RETREG1: variants seen among roughly 807,000 people sequenced by gnomAD.
RETREG1 encodes family with sequence similarity 134 member B.
RETREG1 carries 44 observed loss-of-function variants against 54.8 expected under a neutral mutation model. The ratio of observed to expected loss-of-function variants is 0.80; its 90% CI spans 0.63 to 1.03. RETREG1 has a LOEUF of 1.03. Among genes scored for constraint, RETREG1 ranks in the 50% least tolerant of loss-of-function variants. The probability of loss-of-function intolerance (pLI) is 0.00; values close to 1 mark genes in which losing one functional copy is unlikely to be tolerated. For missense variants in RETREG1, 554 were observed against 605.1 expected (o/e 0.92, Z 0.89); for synonymous variants, 217 against 238.5 (o/e 0.91, Z 0.83).
At chr5:16,528,494 C>T (rs2028843) in intron 3 of RETREG1, among the ~76,000 whole-genome samples, 36,427 of 152,010 alleles carry the variant, frequency 0.24, 4,603 homozygotes, top group South Asian at 0.39. Context: ...GGAGTCAGCT[C>T]TGGATGACAT....
chr5:16,587,944 C>G (rs972916825), intron 1 of RETREG1, among the ~76,000 whole-genome samples: 1 of 152,172 alleles, frequency 6.6e-6, no homozygotes, highest in Non-Finnish European at 1.5e-5. Context: ...ACCCTAATAA[C>G]CCACTGTTCA....
At chr5:16,490,502 C>A (rs1739202110) in intron 3 of RETREG1, among the ~76,000 whole-genome samples, 2 of 152,096 alleles carry the variant, frequency 1.3e-5, no homozygotes, top group Non-Finnish European at 2.9e-5. Flanking sequence ...GTTACAGGCA[C>A]CATAAAAAAG....
At chr5:16,531,777 A>T (rs764229803) in intron 3 of RETREG1, among the ~76,000 whole-genome samples, 11 of 152,204 alleles carry the variant, frequency 7.2e-5, no homozygotes, top group Admixed American at 1.3e-4. Flanking sequence ...TTGCTCACCA[A>T]GCATCAAACA....
intron 8 of RETREG1, among the ~76,000 whole-genome samples, chr5:16,475,601 G>A (rs1367986664): frequency 2.0e-5 from 3 of 152,166 alleles, no homozygotes; most frequent in African/African-American, 7.2e-5. Context: ...ATTATCTTAA[G>A]CCAATGAGTA....
intron 3 of RETREG1, among the ~76,000 whole-genome samples, chr5:16,514,189 G>A (rs1251566651): frequency 1.3e-5 from 2 of 152,108 alleles, no homozygotes; most frequent in African/African-American, 2.4e-5. Context: ...CTTGATTTAT[G>A]GGGAGGAGAT....
chr5:16,475,127 G>A lies in RETREG1; in HGVS notation c.1108C>T (p.Pro370Ser). The change falls in exon 9 of 9, where the codon CCC (proline) becomes TCC (serine). Residue 370 changes from proline to serine, a missense_variant. This residue lies in a region of RETREG1 where 347 missense variants were observed against 412.3 expected (regional missense o/e 0.84). Coordinates refer to ENST00000306320, the MANE Select transcript of RETREG1 (RefSeq NM_001034850.3). ...TCCTTCTTTCTCTTGAGCTCAGTGGGCAAACCAAGGCTTAATTCATCTTCA... is the reference window on the plus strand; with the variant it reads ...TCCTTCTTTCTCTTGAGCTCAGTGGACAAACCAAGGCTTAATTCATCTTCA... ...NDEDELSLGLPTELKRKKEQL... is the reference protein window; with the variant it reads ...NDEDELSLGLSTELKRKKEQL... The A allele has an allele frequency of 6.2e-7, 1 of 1,613,888 alleles. No individual in the cohort carries two copies. The highest frequency in any genetic ancestry group is 8.5e-7 in the Non-Finnish European group (1 of 1,179,902).
chr5:16,522,807 C>T (rs1446377750), intron 3 of RETREG1, among the ~76,000 whole-genome samples: 2 of 152,044 alleles, frequency 1.3e-5, no homozygotes, highest in Admixed American at 6.6e-5. Context: ...AAGTTCAAGA[C>T]CAGCCTGGGC....
intron 3 of RETREG1, among the ~76,000 whole-genome samples, chr5:16,495,507 C>G (rs1480317134): frequency 6.6e-6 from 1 of 152,220 alleles, no homozygotes; most frequent in East Asian, 1.9e-4. Context: ...TGGGACACTG[C>G]TCCCTATGTC....
At chr5:16,489,082 CAAAAAAAAAAAAAAAAAAAAAA>C (rs567475517) in intron 3 of RETREG1, among the ~76,000 whole-genome samples, 1 of 62,934 alleles carries the variant, frequency 1.6e-5, no homozygotes. Context: ...GATTCTGTCT[CAAAAAAAAAAAAAAAAAAAAAA>C]AAAAAAAAAA....
intron 3 of RETREG1, among the ~76,000 whole-genome samples, chr5:16,503,242 ATTG>A (rs1353080895): frequency 3.9e-5 from 6 of 152,224 alleles, no homozygotes; most frequent in Non-Finnish European, 5.9e-5. Context: ...AAAAGATTGC[ATTG>A]TTCTACATGT....
chr5:16,519,449 T>C (rs757973209), intron 3 of RETREG1, among the ~76,000 whole-genome samples: 11 of 152,208 alleles, frequency 7.2e-5, no homozygotes, highest in Admixed American at 1.3e-4. Flanking sequence ...AGCAGTGTCC[T>C]GCCTCATCTG....
chr5:16,594,351 G>T lies in RETREG1; in HGVS notation c.321-22249C>A, dbSNP rs925788281. Among the ~76,000 whole-genome samples the T allele has an allele frequency of 6.6e-6, 1 of 152,180 alleles. No individual in the cohort carries two copies. The highest frequency in any genetic ancestry group is 1.5e-5 in the Non-Finnish European group (1 of 68,044). ...TTTTTAAATGTGACTGAATGAAAAT[G>T]AGCCAAACGTGAAATGTCATTGTTA... On this transcript the variant is annotated intron_variant, in intron 1 of 8. Transcript: ENST00000306320. This position sits in a 1 kb window ranked among gnomAD's most constrained non-coding sequence, Gnocchi z 4.4.
At chr5:16,510,299 G>A (rs1740128772) in intron 3 of RETREG1, among the ~76,000 whole-genome samples, 1 of 152,160 alleles carries the variant, frequency 6.6e-6, no homozygotes, top group Admixed American at 6.5e-5. Context: ...TGAACTGGGT[G>A]TGGTTACTCA....
At chr5:16,592,823 T>C (rs1171934455) in intron 1 of RETREG1, among the ~76,000 whole-genome samples, 1 of 152,000 alleles carries the variant, frequency 6.6e-6, no homozygotes, top group African/African-American at 2.4e-5. Context: ...TGTTCTCACT[T>C]ATAAGTGGGA....
At chr5:16,528,630 G>A (rs533784655) in intron 3 of RETREG1, among the ~76,000 whole-genome samples, 2 of 152,314 alleles carry the variant, frequency 1.3e-5, no homozygotes, top group East Asian at 1.9e-4. Context: ...TTCCCAGCAG[G>A]TGGGATATGT....
chr5:16,557,299 A>T (rs879795095), intron 3 of RETREG1, among the ~76,000 whole-genome samples: 137 of 152,224 alleles, frequency 9.0e-4, no homozygotes, highest in African/African-American at 3.1e-3. Flanking sequence ...ACTTTTTTTT[A>T]AAACTCATAA....
At chr5:16,495,519 C>T (rs1184793512) in intron 3 of RETREG1, among the ~76,000 whole-genome samples, 1 of 152,196 alleles carries the variant, frequency 6.6e-6, no homozygotes, top group African/African-American at 2.4e-5. Flanking sequence ...CCCTATGTCC[C>T]AGTCACTCCA....
chr5:16,602,472 C>T (rs1314698508), intron 1 of RETREG1, among the ~76,000 whole-genome samples: 1 of 152,200 alleles, frequency 6.6e-6, no homozygotes, highest in East Asian at 1.9e-4. Context: ...TCCCAATTCA[C>T]TGGGAACCGT....
chr5:16,578,131 A>G (rs2126316910), intron 1 of RETREG1, among the ~76,000 whole-genome samples: 1 of 152,322 alleles, frequency 6.6e-6, no homozygotes, highest in East Asian at 1.9e-4. Flanking sequence ...GTCGCCTCTC[A>G]GGTCTTTGGC....
Sources: allele counts gnomAD v4.1 joint callset (sites outside exome capture counted in the v4.1 genomes callset), GRCh38; gene constraint gnomAD v4.1.1; regional missense constraint gnomAD v4.1.1; non-coding constraint Gnocchi (gnomAD v3.1); transcripts MANE v1.5; gene names NCBI Gene and HGNC (gene_info 2026-07-23, HGNC 2026-07-21).